The following BRINP2 variants were observed in gnomAD, a reference collection of about 807,000 sequenced individuals.
The protein encoded by BRINP2 is BMP/retinoic acid inducible neural specific 2, also known as BMP/retinoic acid-inducible neural-specific protein 2.
BRINP2 carries 21 observed loss-of-function variants against 69.2 expected under a neutral mutation model. The ratio of observed to expected loss-of-function variants is 0.30; its 90% CI spans 0.22 to 0.44. BRINP2 has a LOEUF of 0.44. BRINP2 is among the 20% of genes least tolerant of loss of function. The pLI is 1.00. For missense variants in BRINP2, 877 were observed against 986.0 expected, an observed-to-expected ratio of 0.89 and a Z score of 1.48; for synonymous variants, 380 against 394.1, an observed-to-expected ratio of 0.96 and a Z score of 0.42.
chr1:177,172,511 C>G (rs1386700704), intron 1 of BRINP2, among the ~76,000 whole-genome samples: 1 of 152,142 alleles, frequency 6.6e-6, no homozygotes, highest in Non-Finnish European at 1.5e-5. Context: ...ACAGAAGAAC[C>G]AAGCATGTCC....
chr1:177,200,575 C>A (rs1005239657), intron 1 of BRINP2, among the ~76,000 whole-genome samples: 4 of 152,088 alleles, frequency 2.6e-5, no homozygotes, highest in Non-Finnish European at 5.9e-5. Context: ...CCTCCCTCGG[C>A]TTGTCATACT....
At chr1:177,183,799 CAAAT>C (rs2102291308) in intron 1 of BRINP2, among the ~76,000 whole-genome samples, 1 of 152,204 alleles carries the variant, frequency 6.6e-6, no homozygotes, top group South Asian at 2.1e-4. Context: ...TTTTGAACTT[CAAAT>C]ACTGTTTATA....
At chr1:177,241,207 G>A (rs1178199709) in intron 2 of BRINP2, among the ~76,000 whole-genome samples, 6 of 152,132 alleles carry the variant, frequency 3.9e-5, no homozygotes, top group South Asian at 2.1e-4. Flanking sequence ...TCGTGACCTC[G>A]TGATCCCCCT....
chr1:177,252,465 G>A (rs936282417), intron 2 of BRINP2, among the ~76,000 whole-genome samples: 1 of 151,830 alleles, frequency 6.6e-6, no homozygotes, highest in Admixed American at 6.6e-5. Context: ...TGACATATCC[G>A]GCACAACAGT....
chr1:177,184,587 T>C (rs933236804), intron 1 of BRINP2, among the ~76,000 whole-genome samples: 1 of 152,086 alleles, frequency 6.6e-6, no homozygotes, highest in African/African-American at 2.4e-5. Flanking sequence ...GGCCAAGTAG[T>C]ATGTCTACTT....
chr1:177,234,254 T>A (rs1649948964), intron 2 of BRINP2, among the ~76,000 whole-genome samples: 1 of 152,154 alleles, frequency 6.6e-6, no homozygotes, highest in South Asian at 2.1e-4. Flanking sequence ...GAAATGCACT[T>A]GTTCAAGGTC....
chr1:177,188,916 A>G (rs1648508244), intron 1 of BRINP2, among the ~76,000 whole-genome samples: 3 of 152,104 alleles, frequency 2.0e-5, no homozygotes, highest in Non-Finnish European at 4.4e-5. Context: ...ATTCACCCAT[A>G]CCTTTGTAAA....
intron 6 of BRINP2, among the ~76,000 whole-genome samples, chr1:177,278,131 G>A (rs1452536430): frequency 2.0e-5 from 3 of 152,148 alleles, no homozygotes; most frequent in Non-Finnish European, 4.4e-5. Flanking sequence ...GTGCCAGTCT[G>A]GGTGCACACT....
At chr1:177,228,659 G>A (rs563714154) in intron 1 of BRINP2, among the ~76,000 whole-genome samples, 7 of 152,276 alleles carry the variant, frequency 4.6e-5, no homozygotes, top group East Asian at 3.9e-4. Flanking sequence ...GGCACACACC[G>A]AATTGGTGCT....
At chr1:177,238,550 G>A (rs141836772) in intron 2 of BRINP2, among the ~76,000 whole-genome samples, 115 of 152,282 alleles carry the variant, frequency 7.6e-4, no homozygotes, top group Non-Finnish European at 1.3e-3. Flanking sequence ...GATCAGAAGC[G>A]TTTCCCATTG....
chr1:177,189,948 G>T (rs1297972083), intron 1 of BRINP2, among the ~76,000 whole-genome samples: 1 of 152,220 alleles, frequency 6.6e-6, no homozygotes, highest in Admixed American at 6.5e-5. Context: ...AGCCAAGACT[G>T]AGGAGGGTCC....
intron 4 of BRINP2, among the ~76,000 whole-genome samples, chr1:177,264,137 G>A (rs1651049797): frequency 6.6e-6 from 1 of 152,126 alleles, no homozygotes; most frequent in South Asian, 2.1e-4. Flanking sequence ...GATCATATCA[G>A]AAAATGAAAG....
intron 4 of BRINP2, among the ~76,000 whole-genome samples, chr1:177,270,088 G>GT (rs1651259409): frequency 7.4e-6 from 1 of 135,804 alleles, no homozygotes; most frequent in Non-Finnish European, 1.6e-5. Flanking sequence ...GGGGTGGGGG[G>GT]GGTGGTTCTC....
intron 1 of BRINP2, among the ~76,000 whole-genome samples, chr1:177,216,944 A>C (rs549209919): frequency 6.6e-6 from 1 of 151,216 alleles, no homozygotes; most frequent in Non-Finnish European, 1.5e-5. Context: ...TTTGTATTTA[A>C]TTTTTGATAA....
intron 1 of BRINP2, among the ~76,000 whole-genome samples, chr1:177,212,468 C>T (rs778265019): frequency 1.3e-5 from 2 of 151,964 alleles, no homozygotes; most frequent in Non-Finnish European, 2.9e-5. Flanking sequence ...TGGTGTGAAC[C>T]CAGGAGGCGG....
At chr1:177,201,241 A>G (rs2102303581) in intron 1 of BRINP2, among the ~76,000 whole-genome samples, 1 of 152,328 alleles carries the variant, frequency 6.6e-6, no homozygotes, top group African/African-American at 2.4e-5. Context: ...CTGGACATCT[A>G]AGAGTTTCAG....
chr1:177,239,796 A>G (rs1301072259), intron 2 of BRINP2, among the ~76,000 whole-genome samples: 1 of 152,184 alleles, frequency 6.6e-6, no homozygotes, highest in Non-Finnish European at 1.5e-5. Flanking sequence ...TAAGATTTCT[A>G]GGTATAGCTG....
intron 2 of BRINP2, among the ~76,000 whole-genome samples, chr1:177,244,541 A>T (rs1162894111): frequency 6.6e-6 from 1 of 152,186 alleles, no homozygotes; most frequent in Admixed American, 6.5e-5. Flanking sequence ...AAGGCAGGAG[A>T]ATTGCTTAAA....
chr1:177,224,872 C>T (rs1437155533), intron 1 of BRINP2, among the ~76,000 whole-genome samples: 1 of 152,162 alleles, frequency 6.6e-6, no homozygotes, highest in Non-Finnish European at 1.5e-5. Flanking sequence ...TACTCTCATA[C>T]CTATTTTACC....
Sources: allele counts gnomAD v4.1 joint callset (sites outside exome capture counted in the v4.1 genomes callset), GRCh38; gene constraint gnomAD v4.1.1; transcripts MANE v1.5; gene names NCBI Gene and HGNC (gene_info 2026-07-23, HGNC 2026-07-21).